HMGCLL1: variants seen among roughly 807,000 people sequenced by gnomAD.
The protein encoded by HMGCLL1 is 3-hydroxymethyl-3-methylglutaryl-CoA lyase, cytoplasmic.
Under a neutral mutation model 39.1 loss-of-function variants are expected in HMGCLL1, and 36 were observed. The observed-to-expected ratio is 0.92, with a 90% confidence interval of 0.71 to 1.22. The LOEUF (loss-of-function observed/expected upper bound fraction) is 1.22, where lower values mean the gene tolerates loss of function less well. Among genes scored for constraint, HMGCLL1 ranks in the 50% most tolerant of loss-of-function variants. The pLI is 0.00. For missense variants in HMGCLL1, 451 were observed against 416.5 expected, an observed-to-expected ratio of 1.08 and a Z score of -0.72; for synonymous variants, 149 against 144.0, an observed-to-expected ratio of 1.03 and a Z score of -0.25.
At chr6:55,486,041 C>CA (rs1249082050) in intron 7 of HMGCLL1, among the ~76,000 whole-genome samples, 1 of 150,498 alleles carries the variant, frequency 6.6e-6, no homozygotes, top group East Asian at 2.0e-4. Flanking sequence ...ATTTAACATA[C>CA]ACACAAGTTA....
Position 55,435,578 on chromosome 6 carries a change from A to G in HMGCLL1, c.*84T>C, listed in dbSNP as rs1763335532. ...ACTCTTGTCCATTACTTCACATATC[A>G]GAGCAAGTTGGCATTAATGATTTTC... On this transcript the variant is annotated 3_prime_UTR_variant, in exon 9 of 9. Transcript: ENST00000274901. The G allele has an allele frequency of 6.1e-6, 4 of 659,868 alleles. No individual in the cohort carries two copies. The South Asian group carries it at 1.0e-4, about 16-fold the overall frequency. 40.9% of individuals were successfully genotyped at this position (659,868 alleles called of 1,614,324 possible). A position where few individuals can be genotyped will look rare whatever the true frequency, so the allele number is the denominator to read the frequency against.
Position 55,489,240 on chromosome 6 carries a change from G to A in HMGCLL1, c.795+6179C>T, listed in dbSNP as rs888806711. ...ATGTGTTTTATGCAAACACCATGGCGCAACAAGAAAATTTCCAAATTAAGG... is the reference window on the plus strand; with the variant it reads ...ATGTGTTTTATGCAAACACCATGGCACAACAAGAAAATTTCCAAATTAAGG... On this transcript the variant is annotated intron_variant, in intron 7 of 8. Transcript: ENST00000274901. 3.3e-5 allele frequency among the ~76,000 whole-genome samples: 5 copies of A among 152,128 alleles called. 1 individual carries two copies. The highest frequency in any genetic ancestry group is 4.1e-4 in the South Asian group (2 of 4,826).
At chr6:55,675,476 G>A in the HMGCLL1 span, among the ~76,000 whole-genome samples, 3 of 152,054 alleles carry the variant, frequency 2.0e-5, no homozygotes, top group Non-Finnish European at 4.4e-5. Flanking sequence ...CTTCTCAGGT[G>A]TCAGTGGCCA....
intron 1 of HMGCLL1, among the ~76,000 whole-genome samples, chr6:55,557,824 T>C (rs922452238): frequency 2.0e-5 from 3 of 152,222 alleles, no homozygotes; most frequent in Non-Finnish European, 4.4e-5. Flanking sequence ...GTTGCCCGTA[T>C]AGAGTACAGC....
chr6:55,517,902 G>C (rs1458315171), intron 3 of HMGCLL1, among the ~76,000 whole-genome samples: 1 of 151,962 alleles, frequency 6.6e-6, no homozygotes, highest in Non-Finnish European at 1.5e-5. Context: ...AAGCTTTCGT[G>C]TTTCATTCAT....
rs1581922149 is a variant in HMGCLL1 at position 55,542,111 on chromosome 6, C to T, written c.138G>A (p.Glu46=). The T allele has an allele frequency of 6.2e-7, 1 of 1,610,730 alleles. No individual in the cohort carries two copies. Among genetic ancestry groups the T allele is most frequent in the Non-Finnish European group, 8.5e-7 (1 of 1,177,758 alleles). Residue 46 remains glutamate (E), a synonymous_variant, in exon 2 of 9, where the codon GAG becomes GAA. Coordinates refer to ENST00000274901, the MANE Select transcript of HMGCLL1 (RefSeq NM_001042406.2). ...QETSQLSGLP[E]FVKIVEVGPR... Reference sequence around the variant, plus strand: ...GCCCAACTTCTACTATTTTAACAAACTCAGGGAGTCCAGATAACTGGGATG... The same window carrying T: ...GCCCAACTTCTACTATTTTAACAAATTCAGGGAGTCCAGATAACTGGGATG...
At chr6:55,533,843 G>A (rs1316297963) in intron 3 of HMGCLL1, among the ~76,000 whole-genome samples, 2 of 126,830 alleles carry the variant, frequency 1.6e-5, no homozygotes, top group African/African-American at 2.9e-5. Context: ...CCGAGATCGC[G>A]CCACTGCACT....
chr6:55,499,374 A>C, intron 5 of HMGCLL1, 75 bp from the exon 6 acceptor site: 1 of 1,117,216 alleles, frequency 9.0e-7, no homozygotes, highest in South Asian at 1.7e-5. Flanking sequence ...ATTAAGAATT[A>C]GCTGAAACTG....
At chr6:55,555,671 T>C (rs191425174) in intron 1 of HMGCLL1, among the ~76,000 whole-genome samples, 1 of 152,364 alleles carries the variant, frequency 6.6e-6, no homozygotes, top group African/African-American at 2.4e-5. Flanking sequence ...AGGATGTTCA[T>C]ATTCATATTA....
Position 55,572,321 on chromosome 6 carries a change from C to G in HMGCLL1, c.108+6627G>C, listed in dbSNP as rs548980907. Among the ~76,000 whole-genome samples the G allele has an allele frequency of 2.0e-5, 3 of 151,992 alleles. No homozygotes were observed. The East Asian group carries it at 5.8e-4, about 30-fold the overall frequency. On this transcript the variant is annotated intron_variant, in intron 1 of 8. Coordinates refer to ENST00000274901, the MANE Select transcript of HMGCLL1 (RefSeq NM_001042406.2). ...TGAAAAGATTTGATATACATTATGA[C>G]AATAGAGGTAAAATATTATAAAGGA...
chr6:55,470,586 G>A (rs1386711819), intron 7 of HMGCLL1, among the ~76,000 whole-genome samples: 1 of 151,486 alleles, frequency 6.6e-6, no homozygotes, highest in Non-Finnish European at 1.5e-5. Context: ...TATATTTAAG[G>A]TAGACACAAT....
chr6:55,606,903 GGAGA>G, the HMGCLL1 span, among the ~76,000 whole-genome samples: 1 of 151,964 alleles, frequency 6.6e-6, no homozygotes, highest in Non-Finnish European at 1.5e-5. Context: ...ACAGTGAAAG[GGAGA>G]GAGAGAAAGA....
chr6:55,591,233 C>T, the HMGCLL1 span, among the ~76,000 whole-genome samples: 5 of 151,976 alleles, frequency 3.3e-5, no homozygotes, highest in Admixed American at 6.6e-5. Context: ...ATGTGAAGGA[C>T]TCAATCTTGT....
chr6:55,609,177 T>C, the HMGCLL1 span, among the ~76,000 whole-genome samples: 1 of 152,138 alleles, frequency 6.6e-6, no homozygotes, highest in Admixed American at 6.5e-5. Context: ...CAGGGCTCCC[T>C]GAGGGAGGGG....
chr6:55,655,538 A>AGATAGATAGAT, the HMGCLL1 span, among the ~76,000 whole-genome samples: 669 of 149,260 alleles, frequency 4.5e-3, 1 homozygote, highest in Non-Finnish European at 6.1e-3. Flanking sequence ...TTATATTGGT[A>AGATAGATAGAT]GATAGATAGA....
At chr6:55,557,643 T>C in intron 1 of HMGCLL1, among the ~76,000 whole-genome samples, 1 of 152,242 alleles carries the variant, frequency 6.6e-6, no homozygotes, top group Non-Finnish European at 1.5e-5. Context: ...CAGAGGTGTC[T>C]CTAATGTTGG....
At chr6:55,618,094 A>G in the HMGCLL1 span, among the ~76,000 whole-genome samples, 6 of 152,082 alleles carry the variant, frequency 3.9e-5, no homozygotes. Flanking sequence ...GAATGCATGC[A>G]TAGGTGATGA....
chr6:55,668,780 A>G, the HMGCLL1 span, among the ~76,000 whole-genome samples: 3 of 151,802 alleles, frequency 2.0e-5, no homozygotes, highest in Admixed American at 1.3e-4. Flanking sequence ...AAATCAGCCA[A>G]GTGGTTATTT....
At chr6:55,441,457 A>G (rs1333029484) in intron 7 of HMGCLL1, among the ~76,000 whole-genome samples, 3 of 152,114 alleles carry the variant, frequency 2.0e-5, no homozygotes, top group Non-Finnish European at 4.4e-5. Context: ...ATTATGGTAT[A>G]TTTGTCATAA....
Sources: gnomAD v4.1 joint callset for allele counts (sites outside exome capture counted in the v4.1 genomes callset) on GRCh38, gnomAD v4.1.1 for gene constraint, MANE v1.5 for transcripts, NCBI Gene and HGNC (gene_info 2026-07-23, HGNC 2026-07-21) for gene names.